Variants in BLTP1 observed in about 807,000 individuals in gnomAD.
BLTP1 encodes the protein fragile site-associated protein.
the BLTP1 span, among the ~76,000 whole-genome samples, chr4:122,314,517 G>A: frequency 6.6e-6 from 1 of 152,286 alleles, no homozygotes. Context: ...TGTTTTGCTT[G>A]TTATAAAATT....
the BLTP1 span, among the ~76,000 whole-genome samples, chr4:122,178,473 C>T: frequency 6.6e-6 from 1 of 152,208 alleles, no homozygotes; most frequent in Non-Finnish European, 1.5e-5. Context: ...GGATTACTCT[C>T]AAATCCGTCT....
At chr4:122,331,069 T>A in the BLTP1 span, 2 of 958,868 alleles carry the variant, frequency 2.1e-6, no homozygotes, top group Non-Finnish European at 2.5e-6. Context: ...ACAGTATATT[T>A]TATATACTGA....
the BLTP1 span, chr4:122,173,090 A>G: frequency 6.2e-7 from 1 of 1,611,350 alleles, no homozygotes; most frequent in African/African-American, 1.3e-5. Flanking sequence ...AATTCCCGGA[A>G]TGTTGGTCTT....
chr4:122,309,822 G>A, the BLTP1 span, among the ~76,000 whole-genome samples: 2 of 151,972 alleles, frequency 1.3e-5, no homozygotes. Context: ...ACACAGAACA[G>A]GTTGTAAATA....
the BLTP1 span, chr4:122,307,543 C>A: frequency 1.0e-6 from 1 of 984,910 alleles, no homozygotes; most frequent in African/African-American, 1.7e-5. Context: ...TAAATCAGAT[C>A]CTTTTAATGG....
chr4:122,258,590 G>C, the BLTP1 span: 2 of 1,346,550 alleles, frequency 1.5e-6, no homozygotes, highest in Non-Finnish European at 9.9e-7. Flanking sequence ...ATAAATATTT[G>C]TCAAGGAATA....
the BLTP1 span, among the ~76,000 whole-genome samples, chr4:122,275,747 T>C: frequency 6.9e-4 from 105 of 152,284 alleles, 1 homozygote; most frequent in Admixed American, 6.9e-3. Flanking sequence ...TATTTATTAG[T>C]TACTGCCAAA....
chr4:122,277,419 T>C, the BLTP1 span: 1 of 977,064 alleles, frequency 1.0e-6, no homozygotes, highest in African/African-American at 1.8e-5. Context: ...TGTCCTATCA[T>C]ATCCTATCTG....
the BLTP1 span, among the ~76,000 whole-genome samples, chr4:122,195,304 C>T: frequency 3.2e-4 from 49 of 152,268 alleles, no homozygotes; most frequent in Admixed American, 2.2e-3. Flanking sequence ...AGATATTATT[C>T]AGTTTTTACT....
At chr4:122,156,512 A>C in the BLTP1 span, among the ~76,000 whole-genome samples, 1 of 152,230 alleles carries the variant, frequency 6.6e-6, no homozygotes, top group African/African-American at 2.4e-5. Flanking sequence ...TCCATTGGAC[A>C]TATCACTTAA....
the BLTP1 span, chr4:122,201,191 G>C: frequency 1.7e-5 from 22 of 1,295,860 alleles, no homozygotes; most frequent in Non-Finnish European, 2.4e-5. Context: ...CATTTGATAA[G>C]TTTTACTTTT....
chr4:122,206,284 A>G, the BLTP1 span, among the ~76,000 whole-genome samples: 2 of 151,922 alleles, frequency 1.3e-5, no homozygotes, highest in East Asian at 1.9e-4. Flanking sequence ...TGTAGTTAAG[A>G]AGTTCAGTGA....
chr4:122,359,626 A>G, the BLTP1 span: 9 of 1,612,734 alleles, frequency 5.6e-6, no homozygotes, highest in Admixed American at 1.7e-5. Context: ...CATGACGACA[A>G]TTCCTCTGAT....
the BLTP1 span, chr4:122,209,505 C>A: frequency 3.7e-6 from 1 of 272,800 alleles, no homozygotes. Flanking sequence ...ATTAGCTGGG[C>A]ATCATGGCGC....
At chr4:122,254,502 AT>A in the BLTP1 span, 1 of 907,182 alleles carries the variant, frequency 1.1e-6, no homozygotes, top group Non-Finnish European at 1.3e-6. Flanking sequence ...TTCTGTAGAC[AT>A]TAGTCTTACC....
At chr4:122,230,236 A>G in the BLTP1 span, 1 of 1,597,954 alleles carries the variant, frequency 6.3e-7, no homozygotes, top group Admixed American at 1.7e-5. Flanking sequence ...TAAGAATGGC[A>G]GTAGTCTCCT....
chr4:122,261,683 TA>T, the BLTP1 span: 1 of 985,020 alleles, frequency 1.0e-6, no homozygotes, highest in Non-Finnish European at 1.2e-6. Context: ...GTAGATGGGT[TA>T]AAAATCTGGC....
the BLTP1 span, chr4:122,316,765 G>A: frequency 4.3e-6 from 7 of 1,612,646 alleles, no homozygotes; most frequent in Non-Finnish European, 5.9e-6. Flanking sequence ...GGCAGCATCT[G>A]CTAGCCAGCC....
chr4:122,272,302 C>T, the BLTP1 span: 1 of 1,613,238 alleles, frequency 6.2e-7, no homozygotes, highest in Admixed American at 1.7e-5. Context: ...TTGGGATTGG[C>T]ATGGTGAACC....
Sources: gnomAD v4.1 joint callset for allele counts (sites outside exome capture counted in the v4.1 genomes callset) on GRCh38, gnomAD v4.1.1 for gene constraint, MANE v1.5 for transcripts, NCBI Gene and HGNC (gene_info 2026-07-23, HGNC 2026-07-21) for gene names.